Variants in UBXN6 observed in about 807,000 individuals in gnomAD.
UBXN6 encodes UBX domain-containing protein 6.
A neutral mutation model predicts 51.4 loss-of-function variants in UBXN6; 44 were observed. The observed-to-expected ratio is 0.86, with a 90% CI of 0.67 to 1.10. UBXN6 has a LOEUF of 1.10. Among genes scored for constraint, UBXN6 ranks in the 50% least tolerant of loss-of-function variants. The pLI, the probability that UBXN6 is intolerant of heterozygous loss-of-function variation, is 0.00. For missense variants in UBXN6, 672 were observed against 596.1 expected (o/e 1.13, Z -1.32); for synonymous variants, 316 against 263.2 (o/e 1.20, Z -1.94).
At chr19:4,452,653 C>T (rs1315716950) in intron 3 of UBXN6, among the ~76,000 whole-genome samples, 161 bp from the exon 4 acceptor site, 5 of 152,204 alleles carry the variant, frequency 3.3e-5, no homozygotes, top group East Asian at 1.9e-4. Flanking sequence ...GCCAAGTGAC[C>T]GGATCCCCGA....
Position 4,453,543 on chromosome 19 carries a change from G to A in UBXN6, c.248-21C>T, listed in dbSNP as rs930928342. On this transcript the variant is annotated intron_variant, in intron 2 of 10. Transcript: ENST00000301281. ...TCTCACTGGAAGGCAGCCCAAGAAA[G>A]AGAGGCAGAGACGGGATAGTGAGCA... is the stretch of plus-strand genomic sequence containing the variant. 11 of 1,612,082 alleles carry A rather than the reference G, an allele frequency of 6.8e-6. No homozygotes were observed. In the Admixed American group the frequency reaches 8.4e-5, roughly 12 times the overall value.
rs770141698 is a variant in UBXN6 at position 4,446,149 on chromosome 19, C to T, written c.1100G>A (p.Arg367Gln). 6.8e-6 allele frequency: 11 copies of T among 1,610,866 alleles called. No homozygotes were observed. Among genetic ancestry groups the T allele is most frequent in the African/African-American group, 4.0e-5 (3 of 74,896 alleles). Residue 367 changes from arginine (R) to glutamine (Q), a missense_variant, in exon 10 of 11, where the codon CGG (arginine) becomes CAG (glutamine). Arg to Gln is a conservative substitution (Grantham distance 43). Transcript: ENST00000301281. ...CAGCCAGTCGCTCTGCAGGGCCTCC[C>T]GGACGAACCCGTACACCGCCCCCAG... is the stretch of plus-strand genomic sequence containing the variant. ...ERLGAVYGFV[R>Q]EALQSDWLPF...
chr19:4,447,663 G>A (rs772866029), intron 5 of UBXN6, 38 bp from the exon 6 acceptor site: 2 of 1,609,316 alleles, frequency 1.2e-6, no homozygotes, highest in South Asian at 2.2e-5. Context: ...GCACAGCCCA[G>A]GCTGCCCACC....
chr19:4,445,535 T>G lies in UBXN6; in HGVS notation c.1289A>C (p.Lys430Thr). The G allele has an allele frequency of 6.2e-7, 1 of 1,613,894 alleles. No homozygotes were observed. Residue 430 changes from lysine to threonine, a missense_variant, in exon 11 of 11, where the codon AAA (lysine) becomes ACA (threonine). By Grantham distance (78) the Lys-to-Thr change is moderately conservative. Transcript: ENST00000301281. ...CTCGATGGCTGACAGGAGCTCGGGT[T>G]TCAGGATGGAGTCCGGCTCGGCCCC... is the stretch of plus-strand genomic sequence containing the variant. Reference protein sequence around the residue: ...AAGAEPDSILKPELLSAIEKL... With the variant: ...AAGAEPDSILTPELLSAIEKL...
intron 1 of UBXN6, among the ~76,000 whole-genome samples, chr19:4,455,666 A>G (rs1423686036): frequency 6.6e-6 from 1 of 151,994 alleles, no homozygotes; most frequent in South Asian, 2.1e-4. Context: ...GGCTCCCCGC[A>G]GTTCTTCCCA....
chr19:4,453,627 C>G (rs1249716725), intron 2 of UBXN6, 105 bp from the exon 3 acceptor site: 2 of 1,344,198 alleles, frequency 1.5e-6, no homozygotes, highest in Non-Finnish European at 2.1e-6. Context: ...GCCACGCACA[C>G]CGCCCCAGCC....
upstream of UBXN6, chr19:4,457,807 A>T (rs868324134): frequency 2.6e-3 from 1,532 of 578,118 alleles, 54 homozygotes; most frequent in African/African-American, 0.027. Context: ...AAAAAAAAAA[A>T]AAAAAAAAAA....
At chr19:4,445,994 C>G in intron 10 of UBXN6, 55 bp downstream of exon 10, 4 of 1,548,204 alleles carry the variant, frequency 2.6e-6, no homozygotes, top group Non-Finnish European at 3.5e-6. Context: ...GTGCCGGTCC[C>G]AGGAGAACCT....
At chr19:4,454,176 G>A (rs1220807605) in intron 1 of UBXN6, 83 bp from the exon 2 acceptor site, 11 of 1,399,154 alleles carry the variant, frequency 7.9e-6, no homozygotes, top group Non-Finnish European at 2.9e-6. Flanking sequence ...AGGAGCTTCT[G>A]CCCCTCCCCA....
intron 10 of UBXN6, 107 bp from the exon 11 acceptor site, chr19:4,445,730 C>T: frequency 6.6e-7 from 1 of 1,522,154 alleles, no homozygotes; most frequent in Non-Finnish European, 8.8e-7. Context: ...TGGAAGCCAT[C>T]TCAGCTGGTG....
intron 8 of UBXN6, 41 bp downstream of exon 8, chr19:4,446,459 C>T: frequency 6.3e-7 from 1 of 1,582,772 alleles, no homozygotes; most frequent in Non-Finnish European, 8.6e-7. Context: ...GGTTCTTCCA[C>T]CCCGCCCCGC....
intron 1 of UBXN6, among the ~76,000 whole-genome samples, chr19:4,456,387 C>T (rs1186150468): frequency 6.6e-6 from 1 of 151,196 alleles, no homozygotes; most frequent in Non-Finnish European, 1.5e-5. Flanking sequence ...CCCCGTGATT[C>T]CTGACCCCCA....
At chr19:4,450,421 C>T (rs1974630990) in intron 4 of UBXN6, 1 of 152,074 alleles carries the variant, frequency 6.6e-6, no homozygotes, top group East Asian at 1.9e-4. Context: ...TAGAGGGAAA[C>T]ATGTGCAACT....
rs765606534 is a variant in UBXN6 at position 4,446,881 on chromosome 19, C to CA, written c.654dup (p.Glu219Ter). 1.2e-6 allele frequency: 2 copies of CA among 1,614,036 alleles called. No individual in the cohort carries two copies. Among genetic ancestry groups the CA allele is most frequent in the East Asian group, 2.2e-5 (1 of 44,880 alleles). ...AACACCTTCTGGAACCCAATGGCCT[C>CA]AAAAAACTCGTGGGTCCCTTCCAGG... is the stretch of plus-strand genomic sequence containing the variant. On this transcript the variant is annotated frameshift_variant, in exon 7 of 11. Transcript: ENST00000301281. LOFTEE classifies it high-confidence loss of function.
At chr19:4,448,559 A>T (rs1974589675) in intron 4 of UBXN6, 144 bp from the exon 5 acceptor site, 1 of 697,164 alleles carries the variant, frequency 1.4e-6, no homozygotes, top group Non-Finnish European at 2.5e-6. Flanking sequence ...AGAAAGGAAA[A>T]GAGAGACCCT....
In UBXN6 at chr19:4,452,464, G is replaced by A; in HGVS notation, c.341C>T (p.Ala114Val). The A allele has an allele frequency of 6.2e-7, 1 of 1,611,702 alleles. No individual in the cohort carries two copies. Among genetic ancestry groups the A allele is most frequent in the African/African-American group, 1.3e-5 (1 of 74,966 alleles). Residue 114 changes from alanine to valine, a missense_variant, in exon 4 of 11, where the codon GCC becomes GTC. Ala to Val is a moderately conservative substitution (Grantham distance 64, BLOSUM62 0). Coordinates refer to ENST00000301281, the MANE Select transcript of UBXN6 (RefSeq NM_025241.3). ...VVSEPREEGS[A>V]HLAVPGVYFT... ...GTACACGCCAGGCACAGCCAGGTGG[G>A]CAGAGCCTTCCTCTCTGGGCTCAGA...
intron 2 of UBXN6, 35 bp downstream of exon 2, chr19:4,453,895 G>A: frequency 6.3e-7 from 1 of 1,597,840 alleles, no homozygotes. Flanking sequence ...ACCTCAAACA[G>A]CCCCAACCTG....
upstream of UBXN6, chr19:4,457,852 C>T: frequency 2.1e-6 from 1 of 472,894 alleles, no homozygotes; most frequent in Non-Finnish European, 3.5e-6. Context: ...GTCCCGCCTT[C>T]CCCTGGCCTG....
chr19:4,450,649 C>G (rs887860116), intron 4 of UBXN6: 11 of 149,074 alleles, frequency 7.4e-5, no homozygotes, highest in African/African-American at 2.7e-4. Flanking sequence ...GTCCCAGCTA[C>G]TCGGGAGGCT....
Sources: gnomAD v4.1 joint callset for allele counts (sites outside exome capture counted in the v4.1 genomes callset) on GRCh38, gnomAD v4.1.1 for gene constraint, MANE v1.5 for transcripts, NCBI Gene and HGNC (gene_info 2026-07-23, HGNC 2026-07-21) for gene names.